Variants in SMIM5 observed in about 807,000 individuals in gnomAD.
SMIM5 encodes the protein small integral membrane protein 5.
A neutral mutation model predicts 4.0 loss-of-function variants in SMIM5; 4 were observed. The observed-to-expected ratio is 1.01, with a 90% CI of 0.50 to 2.30. The LOEUF is 2.30. Ranked by LOEUF, SMIM5 falls within the 30% of genes most tolerant of loss-of-function variation. SMIM5 has a pLI of 0.02. For synonymous variants in SMIM5, 46 were observed against 43.6 expected (o/e 1.05, Z -0.22); for missense variants, 107 against 99.2 (o/e 1.08, Z -0.34).
intron 1 of SMIM5, among the ~76,000 whole-genome samples, chr17:75,634,875 G>A (rs1171984352): frequency 6.6e-6 from 1 of 152,224 alleles, no homozygotes; most frequent in Non-Finnish European, 1.5e-5. Context: ...AAGTGAGGCT[G>A]GGAGGGACCA....
At chr17:75,638,880 G>C (rs546853420) in intron 1 of SMIM5, 1 of 152,408 alleles carries the variant, frequency 6.6e-6, no homozygotes, top group South Asian at 2.1e-4. Context: ...GGTACATGCC[G>C]GCTGCCATCT....
Position 75,636,199 on chromosome 17 carries a change from T to G in SMIM5, c.-37+1997T>G, listed in dbSNP as rs1599003987. Among the ~76,000 whole-genome samples, 1 of 152,090 alleles carries G rather than the reference T, an allele frequency of 6.6e-6. No individual in the cohort carries two copies. The highest frequency in any genetic ancestry group is 2.4e-5 in the African/African-American group (1 of 41,426). ...GCTCTGGCAGCCACTCAGGAACCCC[T>G]GAGGACCCTGAGAAGCCTCCAACCA... On this transcript the variant is annotated intron_variant, in intron 1 of 2. Coordinates refer to ENST00000375215, the MANE Select transcript of SMIM5 (RefSeq NM_001162995.3). This position sits in a 1 kb window ranked among gnomAD's most constrained non-coding sequence, Gnocchi z 5.4.
rs1303965439 is a variant in SMIM5 at position 75,640,670 on chromosome 17, T to C, written c.128-121T>C. 2.7e-6 allele frequency: 4 copies of C among 1,474,302 alleles called. No homozygotes were observed. In the Admixed American group the frequency reaches 8.5e-5, roughly 31 times the overall value. 91.3% of individuals were successfully genotyped at this position (1,474,302 alleles called of 1,614,324 possible). ...CACCTCTCACCAGCCTCTCGGATCT[T>C]TCTGACCTCCACCAAACCTGTGGGG... On this transcript the variant is annotated intron_variant, in intron 2 of 2. Transcript: ENST00000375215. This position sits in a 1 kb window ranked among gnomAD's most constrained non-coding sequence, Gnocchi z 4.6.
chr17:75,633,949 G>C lies in SMIM5; in HGVS notation c.-290G>C, dbSNP rs117916098. The C allele has an allele frequency of 1.0e-6, 1 of 985,522 alleles. No individual in the cohort carries two copies. Among genetic ancestry groups the C allele is most frequent in the Admixed American group, 6.1e-5 (1 of 16,272 alleles). 61.0% of individuals were successfully genotyped at this position (985,522 alleles called of 1,614,324 possible). Reference sequence around the variant, plus strand: ...GCTCTCAGGGCAGAGGTGAGGCACCGGGACATGAAGTTGGAGGACAAGTTC... The same window carrying C: ...GCTCTCAGGGCAGAGGTGAGGCACCCGGACATGAAGTTGGAGGACAAGTTC... On this transcript the variant is annotated 5_prime_UTR_variant, in exon 1 of 3. Transcript: ENST00000375215.
intron 1 of SMIM5, chr17:75,639,896 G>A (rs1344886470): frequency 6.3e-6 from 2 of 315,056 alleles, no homozygotes; most frequent in African/African-American, 4.3e-5. Flanking sequence ...GAACAGCGAA[G>A]CCAGAAACCA....
intron 1 of SMIM5, chr17:75,639,456 CA>C (rs1245912178): frequency 1.3e-5 from 2 of 152,276 alleles, no homozygotes; most frequent in Non-Finnish European, 2.9e-5. Context: ...TCTCCTGGGG[CA>C]GGGGTGGGAG....
Position 75,640,257 on chromosome 17 carries a change from T to G in SMIM5, c.56T>G (p.Leu19Arg). 6.4e-7 allele frequency: 1 copy of G among 1,551,422 alleles called. No individual in the cohort carries two copies. The highest frequency in any genetic ancestry group is 8.7e-7 in the Non-Finnish European group (1 of 1,146,898). ...CGCGCCGTGGGCGAGAGGCTGCTGC[T>G]CAAGCTGCAGAGACTGCCCCAGGCT... ...EMRAVGERLLLKLQRLPQAEP... is the reference protein window; with the variant it reads ...EMRAVGERLLRKLQRLPQAEP... The change falls in exon 2 of 3, where the codon CTC (leucine) becomes CGC (arginine). Residue 19 changes from leucine to arginine, a missense_variant. Leu to Arg is a moderately radical substitution (Grantham distance 102). Transcript: ENST00000375215. The surrounding 1 kb of genome is among the most constrained non-coding windows in gnomAD (Gnocchi z 4.6).
At position 75,633,475 on chromosome 17, in the gene SMIM5, G is replaced by A. The variant is rs764874216; in HGVS notation, c.-764G>A. 7.0e-6 allele frequency: 9 copies of A among 1,289,094 alleles called. No individual in the cohort carries two copies. The highest frequency in any genetic ancestry group is 8.1e-6 in the Non-Finnish European group (8 of 988,612). 79.9% of individuals were successfully genotyped at this position (1,289,094 alleles called of 1,614,324 possible). On this transcript the variant is annotated 5_prime_UTR_variant, in exon 1 of 3. Transcript: ENST00000375215. ...GGCCCTCACCTCACAAGGAACATGA[G>A]GCGCCTTGCCGGGCGCGCAGGCCAC...
In SMIM5 at chr17:75,636,411, G is replaced by T. The variant is rs2059322534; in HGVS notation, c.-37+2209G>T. 6.6e-6 allele frequency among the ~76,000 whole-genome samples: 1 copy of T among 152,140 alleles called. No homozygotes were observed. The highest frequency in any genetic ancestry group is 1.5e-5 in the Non-Finnish European group (1 of 68,010). On this transcript the variant is annotated intron_variant, in intron 1 of 2. Coordinates refer to ENST00000375215, the MANE Select transcript of SMIM5 (RefSeq NM_001162995.3). The surrounding 1 kb of genome is among the most constrained non-coding windows in gnomAD (Gnocchi z 5.4). The stretch of plus-strand genomic sequence containing the variant: ...ATATGGGATCATCAGTAGCCCTCCT[G>T]GGCTTCCCTGCCTTCCTCCTGCCAA...
Position 75,640,267 on chromosome 17 carries a change from G to GAGACTGCCCC in SMIM5, c.69_78dup (p.Ala27ThrfsTer5), listed in dbSNP as rs1374754874. On this transcript the variant is annotated frameshift_variant, in exon 2 of 3. Coordinates refer to ENST00000375215, the MANE Select transcript of SMIM5 (RefSeq NM_001162995.3). LOFTEE classifies it high-confidence loss of function. The surrounding 1 kb of genome is among the most constrained non-coding windows in gnomAD (Gnocchi z 4.6). ...GCGAGAGGCTGCTGCTCAAGCTGCA[G>GAGACTGCCCC]AGACTGCCCCAGGCTGAGCCCGTGG... 1.1e-5 allele frequency: 17 copies of GAGACTGCCCC among 1,551,546 alleles called. No individual in the cohort carries two copies. Among genetic ancestry groups the GAGACTGCCCC allele is most frequent in the Non-Finnish European group, 1.5e-5 (17 of 1,146,914 alleles).
At chr17:75,634,453 G>T (rs1482322372) in intron 1 of SMIM5, among the ~76,000 whole-genome samples, 1 of 152,258 alleles carries the variant, frequency 6.6e-6, no homozygotes, top group Admixed American at 6.5e-5. Context: ...CTGTGCAGCA[G>T]AGGGGCCCCG....
chr17:75,640,664 G>A lies in SMIM5; in HGVS notation c.128-127G>A, dbSNP rs370962001. The A allele has an allele frequency of 2.6e-3, 3,773 of 1,467,316 alleles. 82 individuals are homozygous for A. The South Asian group carries it at 0.038, about 15-fold the overall frequency. The allele number at this position is 1,467,316 out of a possible 1,614,324, so 90.9% of individuals were successfully genotyped here. The stretch of plus-strand genomic sequence containing the variant: ...CGTCCGCACCTCTCACCAGCCTCTC[G>A]GATCTTTCTGACCTCCACCAAACCT... On this transcript the variant is annotated intron_variant, in intron 2 of 2. Coordinates refer to ENST00000375215, the MANE Select transcript of SMIM5 (RefSeq NM_001162995.3). The surrounding 1 kb of genome is among the most constrained non-coding windows in gnomAD (Gnocchi z 4.6).
Position 75,633,570 on chromosome 17 carries a change from C to A in SMIM5, c.-669C>A. 8.0e-7 allele frequency: 1 copy of A among 1,255,534 alleles called. No homozygotes were observed. The highest frequency in any genetic ancestry group is 2.6e-5 in the Admixed American group (1 of 38,422). 77.8% of individuals were successfully genotyped at this position (1,255,534 alleles called of 1,614,324 possible). On this transcript the variant is annotated 5_prime_UTR_variant, in exon 1 of 3. Transcript: ENST00000375215. ...AGATGCTGAGCGGCACAAGGGCCTC[C>A]CCAGGGACTGGTTGCAAAGCCTCCT...
chr17:75,640,809 T>G lies in SMIM5; in HGVS notation c.146T>G (p.Leu49Arg). The change falls in exon 3 of 3, where the codon CTG becomes CGG. Residue 49 changes from leucine to arginine, a missense_variant. Physicochemically the swap from Leu to Arg is moderately radical, Grantham distance 102. Transcript: ENST00000375215. The surrounding 1 kb of genome is among the most constrained non-coding windows in gnomAD (Gnocchi z 4.6). ...CCTCCAGCTACTGTTCTGCTGTTGC[T>G]GCTGATAGCCTGCAGCTGCTGCTGC... ...ILFTATVLLL[L>R]LIACSCCCTH... The G allele has an allele frequency of 1.9e-6, 3 of 1,550,412 alleles. No individual in the cohort carries two copies. Among genetic ancestry groups the G allele is most frequent in the Non-Finnish European group, 2.6e-6 (3 of 1,146,904 alleles).
In SMIM5 at chr17:75,633,643, T is replaced by C; in HGVS notation, c.-596T>C. 8.5e-7 allele frequency: 1 copy of C among 1,180,692 alleles called. No homozygotes were observed. The highest frequency in any genetic ancestry group is 1.1e-6 in the Non-Finnish European group (1 of 936,134). 73.1% of individuals were successfully genotyped at this position (1,180,692 alleles called of 1,614,324 possible). On this transcript the variant is annotated 5_prime_UTR_variant, in exon 1 of 3. Coordinates refer to ENST00000375215, the MANE Select transcript of SMIM5 (RefSeq NM_001162995.3). The stretch of plus-strand genomic sequence containing the variant: ...GCTCCCCACTGTTTACTGTTGTTCC[T>C]GAGAGAGGCCAGAGGGAGGGACCAG...
rs990046565 is a variant in SMIM5, at chr17:75,640,695, G to T, written c.128-96G>T. ...TTCTGACCTCCACCAAACCTGTGGG[G>T]GAAAGACCCTGGCAGGCAGTGGGTT... On this transcript the variant is annotated intron_variant, in intron 2 of 2. Coordinates refer to ENST00000375215, the MANE Select transcript of SMIM5 (RefSeq NM_001162995.3). This position sits in a 1 kb window ranked among gnomAD's most constrained non-coding sequence, Gnocchi z 4.6. 2 of 1,498,264 alleles carry T rather than the reference G, an allele frequency of 1.3e-6. No individual in the cohort carries two copies. Among genetic ancestry groups the T allele is most frequent in the South Asian group, 2.6e-5 (2 of 77,724 alleles). 92.8% of individuals were successfully genotyped at this position (1,498,264 alleles called of 1,614,324 possible).
chr17:75,640,329 G>C lies in SMIM5; in HGVS notation c.127+1G>C, dbSNP rs759761312. On this transcript the variant is annotated splice_donor_variant, in intron 2 of 2. Transcript: ENST00000375215. LOFTEE classifies it high-confidence loss of function. The surrounding 1 kb of genome is among the most constrained non-coding windows in gnomAD (Gnocchi z 4.6). The stretch of plus-strand genomic sequence containing the variant: ...TTCTCAGTCATCATCCTTTTCACAG[G>C]TTAGTTGGGGCACTCAGCACCCCAT... The C allele has an allele frequency of 2.6e-6, 4 of 1,545,528 alleles. No homozygotes were observed. The highest frequency in any genetic ancestry group is 2.7e-5 in the African/African-American group (2 of 73,014).
intron 1 of SMIM5, chr17:75,638,222 A>T (rs1402518452): frequency 6.6e-6 from 1 of 151,940 alleles, no homozygotes. Flanking sequence ...AGTGGCTCAC[A>T]CCTGTAATCC....
chr17:75,640,448 A>C lies in SMIM5; in HGVS notation c.127+120A>C. 1 of 1,412,124 alleles carries C rather than the reference A, an allele frequency of 7.1e-7. No homozygotes were observed. The allele number at this position is 1,412,124 out of a possible 1,614,324, so 87.5% of individuals were successfully genotyped here. A position where few individuals can be genotyped will look rare whatever the true frequency, so the allele number is the denominator to read the frequency against. On this transcript the variant is annotated intron_variant, in intron 2 of 2. Coordinates refer to ENST00000375215, the MANE Select transcript of SMIM5 (RefSeq NM_001162995.3). This position sits in a 1 kb window ranked among gnomAD's most constrained non-coding sequence, Gnocchi z 4.6. ...GTCTGCCGGATCAAGGAGGAAAACCAGTTGTCCCTTGGGGGAAGCCAAGGG... is the reference window on the plus strand; with the variant it reads ...GTCTGCCGGATCAAGGAGGAAAACCCGTTGTCCCTTGGGGGAAGCCAAGGG...
Sources: allele counts gnomAD v4.1 joint callset (sites outside exome capture counted in the v4.1 genomes callset), GRCh38; gene constraint gnomAD v4.1.1; non-coding constraint Gnocchi (gnomAD v3.1); transcripts MANE v1.5; gene names NCBI Gene and HGNC (gene_info 2026-07-23, HGNC 2026-07-21).